The following DAB1 variants were observed in gnomAD, a reference collection of about 807,000 sequenced individuals.
DAB1 encodes the protein disabled homolog 1.
A neutral mutation model predicts 64.6 loss-of-function variants in DAB1; 15 were observed. The observed-to-expected ratio is 0.23, with a 90% CI of 0.16 to 0.36. The LOEUF (loss-of-function observed/expected upper bound fraction) is 0.36, where lower values mean the gene tolerates loss of function less well. Ranked by LOEUF, DAB1 falls within the 10% of genes least tolerant of loss-of-function variation. The pLI, the probability that DAB1 is intolerant of heterozygous loss-of-function variation, is 1.00. For synonymous variants in DAB1, 235 were observed against 251.9 expected, an observed-to-expected ratio of 0.93 and a Z score of 0.64; for missense variants, 596 against 706.7, an observed-to-expected ratio of 0.84 and a Z score of 1.78.
chr1:57,765,987 G>A (rs1361671791), intron 6 of DAB1, among the ~76,000 whole-genome samples: 3 of 151,814 alleles, frequency 2.0e-5, no homozygotes, highest in Non-Finnish European at 2.9e-5. Context: ...ACCTCTAAAC[G>A]TGGAAGTTTC....
At chr1:57,840,531 C>T (rs1432952387) in intron 1 of DAB1, among the ~76,000 whole-genome samples, 2 of 151,992 alleles carry the variant, frequency 1.3e-5, no homozygotes, top group South Asian at 2.1e-4. Context: ...TAAAGAACTA[C>T]TTGAGACTGG....
chr1:58,116,237 T>A (rs1039679429), intron 5 of DAB1, among the ~76,000 whole-genome samples: 2 of 152,180 alleles, frequency 1.3e-5, no homozygotes, highest in African/African-American at 2.4e-5. Context: ...ACTTTGTGAA[T>A]AAGAAGTAGA....
At chr1:57,335,682 T>C (rs1677025543) in intron 1 of DAB1, among the ~76,000 whole-genome samples, 1 of 152,194 alleles carries the variant, frequency 6.6e-6, no homozygotes, top group Admixed American at 6.5e-5. Flanking sequence ...CCTGCTCATC[T>C]GAATCAACTG....
chr1:57,308,552 T>A (rs1301185820), intron 1 of DAB1, among the ~76,000 whole-genome samples: 1 of 152,162 alleles, frequency 6.6e-6, no homozygotes, highest in Non-Finnish European at 1.5e-5. Context: ...ACCCAATATG[T>A]TTTAAAAGCA....
intron 10 of DAB1, among the ~76,000 whole-genome samples, chr1:57,024,456 C>CT (rs918389209): frequency 7.9e-5 from 12 of 152,084 alleles, no homozygotes; most frequent in South Asian, 4.2e-4. Context: ...CTGTAATATC[C>CT]TTTTTTTTCC....
At chr1:57,262,144 A>G (rs1670228223) in intron 2 of DAB1, among the ~76,000 whole-genome samples, 1 of 152,292 alleles carries the variant, frequency 6.6e-6, no homozygotes, top group East Asian at 1.9e-4. Flanking sequence ...GGAAAGCTAC[A>G]TGTTGGGCAA....
chr1:57,786,079 G>A (rs201952779), intron 6 of DAB1, among the ~76,000 whole-genome samples: 1 of 152,244 alleles, frequency 6.6e-6, no homozygotes, highest in South Asian at 2.1e-4. Flanking sequence ...AGAAGATCAC[G>A]ACTCCTCTTA....
At chr1:57,687,281 C>T (rs995987274) in intron 6 of DAB1, among the ~76,000 whole-genome samples, 2 of 151,906 alleles carry the variant, frequency 1.3e-5, no homozygotes, top group African/African-American at 4.8e-5. Context: ...GAACACAATC[C>T]CATTTACAAT....
intron 4 of DAB1, among the ~76,000 whole-genome samples, chr1:57,123,779 G>A (rs1656878694): frequency 6.6e-6 from 1 of 152,044 alleles, no homozygotes; most frequent in South Asian, 2.1e-4. Flanking sequence ...ATGTGGATAA[G>A]TAAAAAATAG....
At chr1:58,091,117 T>G (rs903360091) in intron 5 of DAB1, among the ~76,000 whole-genome samples, 1 of 152,190 alleles carries the variant, frequency 6.6e-6, no homozygotes, top group South Asian at 2.1e-4. Flanking sequence ...CTTAGCCCCC[T>G]CCGGCTCCCC....
intron 2 of DAB1, among the ~76,000 whole-genome samples, chr1:57,243,136 A>G (rs1045678375): frequency 1.3e-5 from 2 of 152,238 alleles, no homozygotes; most frequent in African/African-American, 4.8e-5. Flanking sequence ...AACAGCACTA[A>G]TTATCTACCC....
At position 57,222,008 on chromosome 1, in the gene DAB1, C is replaced by A. The variant is rs954159023; in HGVS notation, c.67+68956G>T. ...CTGGCCAGAAACTAGCATTTATTTA[C>A]TGCTTTCCAAGGGCCAGGCACTGTT... On this transcript the variant is annotated intron_variant, in intron 2 of 14. Transcript: ENST00000371236. Among the ~76,000 whole-genome samples the A allele has an allele frequency of 8.9e-4, 135 of 151,956 alleles. 4 individuals are homozygous for A. The highest frequency in any genetic ancestry group is 8.9e-3 in the Admixed American group (135 of 15,248).
At chr1:57,093,087 G>A (rs756098116) in intron 4 of DAB1, among the ~76,000 whole-genome samples, 4 of 152,192 alleles carry the variant, frequency 2.6e-5, no homozygotes, top group Non-Finnish European at 5.9e-5. Context: ...CAACTGTACT[G>A]TTCCATAGCT....
chr1:57,205,089 T>C (rs1665429549), intron 2 of DAB1, among the ~76,000 whole-genome samples: 2 of 152,168 alleles, frequency 1.3e-5, no homozygotes, highest in Non-Finnish European at 2.9e-5. Context: ...CTGAAGGCAT[T>C]GGCCTCCTTT....
chr1:57,701,621 C>T (rs1369877414), intron 6 of DAB1, among the ~76,000 whole-genome samples: 1 of 151,568 alleles, frequency 6.6e-6, no homozygotes, highest in Admixed American at 6.6e-5. Context: ...TGCAGCACAC[C>T]AACATGGCAC....
At chr1:58,424,907 TGTGG>T (rs1244411728) in intron 3 of DAB1, among the ~76,000 whole-genome samples, 2 of 151,030 alleles carry the variant, frequency 1.3e-5, no homozygotes, top group African/African-American at 2.4e-5. Context: ...GGTGAGGTGG[TGTGG>T]GTGGGTGGGT....
chr1:58,133,781 C>T (rs1336274720), intron 5 of DAB1, among the ~76,000 whole-genome samples: 6 of 152,164 alleles, frequency 3.9e-5, no homozygotes, highest in African/African-American at 1.4e-4. Flanking sequence ...CACTTGGCAG[C>T]CAGGTATTGC....
At chr1:57,053,844 C>A (rs1649470393) in intron 9 of DAB1, among the ~76,000 whole-genome samples, 1 of 151,574 alleles carries the variant, frequency 6.6e-6, no homozygotes, top group African/African-American at 2.4e-5. Flanking sequence ...TGTGCCACCA[C>A]ACCTGGCTAA....
intron 5 of DAB1, among the ~76,000 whole-genome samples, chr1:57,948,929 A>G (rs1002487426): frequency 6.6e-6 from 1 of 152,184 alleles, no homozygotes; most frequent in African/African-American, 2.4e-5. Context: ...ATCTGTTTGA[A>G]TGTAATTTAT....
Sources: allele counts gnomAD v4.1 joint callset (sites outside exome capture counted in the v4.1 genomes callset), GRCh38; gene constraint gnomAD v4.1.1; transcripts MANE v1.5; gene names NCBI Gene and HGNC (gene_info 2026-07-23, HGNC 2026-07-21).